CPQ: variants seen among roughly 807,000 people sequenced by gnomAD.
CPQ encodes the protein carboxypeptidase Q, also known as Ser-Met dipeptidase.
A neutral mutation model predicts 45.7 loss-of-function variants in CPQ; 37 were observed. That is an observed-to-expected ratio of 0.81 (90% CI 0.62 to 1.07). CPQ has a LOEUF of 1.07. CPQ is among the 50% of genes least tolerant of loss of function. The probability of loss-of-function intolerance (pLI) is 0.00; values close to 1 mark genes in which losing one functional copy is unlikely to be tolerated. For synonymous variants in CPQ, 186 were observed against 205.8 expected (o/e 0.90, Z 0.82); for missense variants, 537 against 572.9 (o/e 0.94, Z 0.64).
chr8:96,937,446 A>C (rs1029759679), intron 4 of CPQ, among the ~76,000 whole-genome samples: 9 of 151,348 alleles, frequency 5.9e-5, no homozygotes, highest in African/African-American at 2.2e-4. Context: ...TAGTCATAGC[A>C]TGGTAGCCAA....
At chr8:96,980,466 C>CTT (rs1813874213) in intron 5 of CPQ, among the ~76,000 whole-genome samples, 1 of 152,132 alleles carries the variant, frequency 6.6e-6, no homozygotes, top group Non-Finnish European at 1.5e-5. Context: ...TCAGTTTTCT[C>CTT]TTTTTACAAT....
At chr8:96,653,039 C>T (rs1815596527) in intron 1 of CPQ, among the ~76,000 whole-genome samples, 1 of 152,200 alleles carries the variant, frequency 6.6e-6, no homozygotes, top group Non-Finnish European at 1.5e-5. Context: ...TCAAGCCATC[C>T]TCCCTCCTCA....
chr8:96,708,338 G>T (rs927840175), intron 1 of CPQ, among the ~76,000 whole-genome samples: 1 of 151,596 alleles, frequency 6.6e-6, no homozygotes, highest in Non-Finnish European at 1.5e-5. Flanking sequence ...ATTAAGACTG[G>T]ATATTTTTGT....
intron 7 of CPQ, among the ~76,000 whole-genome samples, chr8:97,085,870 A>G (rs923072324): frequency 7.9e-5 from 12 of 152,236 alleles, no homozygotes; most frequent in Non-Finnish European, 1.3e-4. Flanking sequence ...ATCTTTAAAT[A>G]TCAAATGTGT....
At chr8:96,718,619 G>A (rs922370213) in intron 1 of CPQ, among the ~76,000 whole-genome samples, 6 of 152,012 alleles carry the variant, frequency 3.9e-5, no homozygotes, top group African/African-American at 1.5e-4. Context: ...AGCGTGGAAG[G>A]GGACCCAAGT....
At chr8:96,806,135 A>G (rs536852403) in intron 2 of CPQ, among the ~76,000 whole-genome samples, 2 of 152,284 alleles carry the variant, frequency 1.3e-5, no homozygotes, top group South Asian at 2.1e-4. Flanking sequence ...GCACAACATT[A>G]GGGAATTTTG....
intron 6 of CPQ, among the ~76,000 whole-genome samples, chr8:97,045,293 T>C (rs769692728): frequency 2.4e-4 from 37 of 152,238 alleles, no homozygotes; most frequent in Non-Finnish European, 4.1e-4. Context: ...TTCCAAGCCA[T>C]GTGCGGGATA....
At chr8:96,755,566 T>C (rs1810317339) in intron 1 of CPQ, among the ~76,000 whole-genome samples, 1 of 151,824 alleles carries the variant, frequency 6.6e-6, no homozygotes, top group African/African-American at 2.4e-5. Flanking sequence ...AGTCCTGAGG[T>C]TAATCATGTG....
At chr8:96,819,430 A>G (rs555380568) in intron 2 of CPQ, among the ~76,000 whole-genome samples, 2 of 152,054 alleles carry the variant, frequency 1.3e-5, no homozygotes, top group Non-Finnish European at 2.9e-5. Context: ...TGCCCTTTAC[A>G]GATTTTTAAG....
chr8:96,808,940 A>C (rs912439741), intron 2 of CPQ, among the ~76,000 whole-genome samples: 2 of 152,202 alleles, frequency 1.3e-5, no homozygotes, highest in Non-Finnish European at 2.9e-5. Flanking sequence ...GTGAATGTCA[A>C]CTAGGACTGT....
rs34266303 is a variant in CPQ at position 97,056,101 on chromosome 8, A to AACAC, written c.1054-9880_1054-9877dup. Among the ~76,000 whole-genome samples the AACAC allele has an allele frequency of 8.4e-3, 1,224 of 146,404 alleles. 5 individuals carry two copies. Among genetic ancestry groups the AACAC allele is most frequent in the African/African-American group, 0.017 (696 of 40,506 alleles). ...GTGACAGAGTGAGACCCTATCTCAAAACACACACACACACACACACACACA... is the reference window on the plus strand; with the variant it reads ...GTGACAGAGTGAGACCCTATCTCAAAACACACACACACACACACACACACACACA... On this transcript the variant is annotated intron_variant, in intron 6 of 7. Coordinates refer to ENST00000220763, the MANE Select transcript of CPQ (RefSeq NM_016134.4).
At chr8:97,128,786 A>C (rs945476436) in intron 7 of CPQ, among the ~76,000 whole-genome samples, 3 of 152,374 alleles carry the variant, frequency 2.0e-5, no homozygotes, top group Non-Finnish European at 2.9e-5. Context: ...ATTGGGATGC[A>C]CTACTGTGGA....
At chr8:96,898,520 T>C (rs993829734) in intron 4 of CPQ, among the ~76,000 whole-genome samples, 1 of 151,542 alleles carries the variant, frequency 6.6e-6, no homozygotes, top group East Asian at 2.0e-4. Flanking sequence ...AATCAGGTGA[T>C]TGTGAACTGT....
chr8:96,746,936 G>A (rs1010786656), intron 1 of CPQ, among the ~76,000 whole-genome samples: 1 of 152,076 alleles, frequency 6.6e-6, no homozygotes, highest in African/African-American at 2.4e-5. Flanking sequence ...TTTCCCACAG[G>A]TTTCTGACTC....
At chr8:97,107,126 T>C (rs560232422) in intron 7 of CPQ, among the ~76,000 whole-genome samples, 3 of 152,256 alleles carry the variant, frequency 2.0e-5, no homozygotes, top group African/African-American at 7.2e-5. Context: ...TAATAGGTAG[T>C]GCACTAACAT....
At position 96,777,601 on chromosome 8, in the gene CPQ, A is replaced by G. The variant is rs1162017083; in HGVS notation, c.-34-7263A>G. 9.9e-5 allele frequency among the ~76,000 whole-genome samples: 15 copies of G among 151,416 alleles called. No homozygotes were observed. In the South Asian group the frequency reaches 2.9e-3, roughly 29 times the overall value. ...CCCTAAAAGTTTCACACTGAAGTAA[A>G]CAAGTGTTTTTGGTCATTTCATGCC... is the stretch of plus-strand genomic sequence containing the variant. On this transcript the variant is annotated intron_variant, in intron 1 of 7. Transcript: ENST00000220763.
At chr8:96,696,320 T>C (rs999783842) in intron 1 of CPQ, among the ~76,000 whole-genome samples, 65 of 151,870 alleles carry the variant, frequency 4.3e-4, no homozygotes, top group African/African-American at 1.4e-3. Context: ...AGGGATAGCA[T>C]TGGGAGATAT....
intron 1 of CPQ, among the ~76,000 whole-genome samples, chr8:96,650,932 A>G (rs1815570062): frequency 6.6e-6 from 1 of 152,238 alleles, no homozygotes; most frequent in Non-Finnish European, 1.5e-5. Flanking sequence ...ATGAACAATC[A>G]GTCACTCCTT....
At chr8:96,946,319 T>C (rs1813187580) in intron 4 of CPQ, among the ~76,000 whole-genome samples, 1 of 152,196 alleles carries the variant, frequency 6.6e-6, no homozygotes, top group Admixed American at 6.5e-5. Flanking sequence ...TAGAAAATAA[T>C]TGTCATGTTA....
Sources: allele counts gnomAD v4.1 joint callset (sites outside exome capture counted in the v4.1 genomes callset), GRCh38; gene constraint gnomAD v4.1.1; transcripts MANE v1.5; gene names NCBI Gene and HGNC (gene_info 2026-07-23, HGNC 2026-07-21).